The following KLRG2 variants were observed in gnomAD, a reference collection of about 807,000 sequenced individuals.
KLRG2 encodes killer cell lectin-like receptor subfamily G member 2.
A neutral mutation model predicts 35.4 loss-of-function variants in KLRG2; 39 were observed. The observed-to-expected ratio is 1.10, with a 90% CI of 0.85 to 1.44. KLRG2 has a LOEUF of 1.44. Among genes scored for constraint, KLRG2 ranks in the 40% most tolerant of loss-of-function variants. The probability of loss-of-function intolerance (pLI) is 0.00; values close to 1 mark genes in which losing one functional copy is unlikely to be tolerated. For missense variants in KLRG2, 632 were observed against 570.9 expected, an observed-to-expected ratio of 1.11 and a Z score of -1.09; for synonymous variants, 283 against 265.8, an observed-to-expected ratio of 1.06 and a Z score of -0.63.
chr7:139,481,073 C>G (rs1156643471), intron 1 of KLRG2, among the ~76,000 whole-genome samples: 1 of 152,102 alleles, frequency 6.6e-6, no homozygotes, highest in African/African-American at 2.4e-5. Flanking sequence ...AAGAGGAAGA[C>G]AGGTGGTGAG....
intron 1 of KLRG2, among the ~76,000 whole-genome samples, chr7:139,480,745 C>CTT (rs34710698): frequency 2.7e-5 from 3 of 112,954 alleles, no homozygotes; most frequent in African/African-American, 3.4e-5. Context: ...GCGTCTGGCC[C>CTT]TTTTTTTTTT....
chr7:139,473,763 C>T (rs973667316), intron 3 of KLRG2, among the ~76,000 whole-genome samples: 6 of 152,088 alleles, frequency 3.9e-5, no homozygotes, highest in Non-Finnish European at 8.8e-5. Flanking sequence ...CACCCGAGGT[C>T]AGGAGTTCAA....
chr7:139,470,433 C>T lies in KLRG2; in HGVS notation c.1005+9194G>A, dbSNP rs192253867. The stretch of plus-strand genomic sequence containing the variant: ...CATGGTCTGGCCTTATGTGGAAATA[C>T]AACAAATGCAAAGCCAGTCTTCTTT... On this transcript the variant is annotated intron_variant, in intron 3 of 4. Coordinates refer to ENST00000340940, the MANE Select transcript of KLRG2 (RefSeq NM_198508.4). Among the ~76,000 whole-genome samples the T allele has an allele frequency of 2.6e-3, 398 of 152,216 alleles. 1 individual carries two copies. Among genetic ancestry groups the T allele is most frequent in the Non-Finnish European group, 4.6e-3 (313 of 68,026 alleles).
chr7:139,433,755 C>T, the KLRG2 span, among the ~76,000 whole-genome samples: 1 of 151,712 alleles, frequency 6.6e-6, no homozygotes, highest in African/African-American at 2.4e-5. Flanking sequence ...TCTGCCTCAG[C>T]CTCCTGAATA....
At chr7:139,441,958 A>G in the KLRG2 span, among the ~76,000 whole-genome samples, 3 of 152,274 alleles carry the variant, frequency 2.0e-5, no homozygotes, top group East Asian at 5.8e-4. Context: ...AGAAATCCAC[A>G]CCTTGGCACT....
Position 139,483,274 on chromosome 7 carries a change from C to T in KLRG2, c.369G>A (p.Glu123=). 1 of 1,561,142 alleles carries T rather than the reference C, an allele frequency of 6.4e-7. No homozygotes were observed. The highest frequency in any genetic ancestry group is 8.6e-7 in the Non-Finnish European group (1 of 1,164,978). The change falls in exon 1 of 5, where the codon GAG becomes GAA. Residue 123 remains glutamate (E), a synonymous_variant. Transcript: ENST00000340940. ...EPAPSAWAPM[E]LQVDVRVKPV... Reference sequence around the variant, plus strand: ...GCTTCACGCGCACATCTACCTGCAGCTCCATGGGCGCCCAGGCGCTGGGCG... The same window carrying T: ...GCTTCACGCGCACATCTACCTGCAGTTCCATGGGCGCCCAGGCGCTGGGCG...
rs181652383 is a variant in KLRG2, at chr7:139,468,587, G to T, written c.1005+11040C>A. Among the ~76,000 whole-genome samples the T allele has an allele frequency of 4.6e-3, 694 of 152,250 alleles. 6 individuals are homozygous for T. The highest frequency in any genetic ancestry group is 0.016 in the African/African-American group (678 of 41,560). On this transcript the variant is annotated intron_variant, in intron 3 of 4. Coordinates refer to ENST00000340940, the MANE Select transcript of KLRG2 (RefSeq NM_198508.4). ...TCAGACTCAGCCCGCCTGCACCCAG[G>T]TGAAATAAACAGCCTTGTTGCTCAC...
At chr7:139,471,847 G>A (rs924041028) in intron 3 of KLRG2, among the ~76,000 whole-genome samples, 91 of 152,184 alleles carry the variant, frequency 6.0e-4, no homozygotes, top group African/African-American at 2.2e-3. Context: ...GTCCCCAGGC[G>A]AGGTGGCACG....
the KLRG2 span, among the ~76,000 whole-genome samples, chr7:139,440,259 GCCA>G: frequency 1.3e-5 from 2 of 150,852 alleles, no homozygotes; most frequent in Non-Finnish European, 2.9e-5. Context: ...ATAGGTGTGT[GCCA>G]CCACACCTGG....
Position 139,483,583 on chromosome 7 carries a change from C to T in KLRG2, c.60G>A (p.Glu20=), listed in dbSNP as rs747199136. 6.3e-6 allele frequency: 10 copies of T among 1,596,352 alleles called. No individual in the cohort carries two copies. The highest frequency in any genetic ancestry group is 8.5e-6 in the Non-Finnish European group (10 of 1,178,244). Residue 20 remains glutamate, a synonymous_variant, in exon 1 of 5, where the codon GAG becomes GAA. Coordinates refer to ENST00000340940, the MANE Select transcript of KLRG2 (RefSeq NM_198508.4). ...GGQAGAELPM[E]PVGSLVPTLE... is the part of the protein sequence containing the mutation. ...GCGTGGGGACCAGGCTTCCCACGGG[C>T]TCCATTGGGAGCTCTGCCCCGGCTT... is the stretch of plus-strand genomic sequence containing the variant.
chr7:139,477,835 T>G, intron 3 of KLRG2, among the ~76,000 whole-genome samples: 1 of 151,986 alleles, frequency 6.6e-6, no homozygotes, highest in Non-Finnish European at 1.5e-5. Flanking sequence ...CTCGGCTCAC[T>G]GCAAGCTCCG....
the KLRG2 span, among the ~76,000 whole-genome samples, chr7:139,441,870 A>G: frequency 6.6e-6 from 1 of 152,228 alleles, no homozygotes; most frequent in African/African-American, 2.4e-5. Context: ...ACACAGCAGA[A>G]GACTTCCTGT....
chr7:139,466,761 A>AATAAAAAAAG (rs1554404154), intron 3 of KLRG2, among the ~76,000 whole-genome samples: 6 of 149,412 alleles, frequency 4.0e-5, no homozygotes, highest in African/African-American at 9.9e-5. Context: ...AAATAAAAAA[A>AATAAAAAAAG]GGGGGGGGTA....
chr7:139,439,286 C>A, the KLRG2 span, among the ~76,000 whole-genome samples: 2 of 152,202 alleles, frequency 1.3e-5, no homozygotes, highest in Non-Finnish European at 2.9e-5. Context: ...TGTGACTCCG[C>A]TTCTACGAAC....
At chr7:139,472,266 C>A (rs1796769765) in intron 3 of KLRG2, among the ~76,000 whole-genome samples, 2 of 151,726 alleles carry the variant, frequency 1.3e-5, no homozygotes, top group South Asian at 2.1e-4. Flanking sequence ...CAGACTTGAC[C>A]ACATGAAGCC....
chr7:139,442,553 A>C, the KLRG2 span, among the ~76,000 whole-genome samples: 59,464 of 151,896 alleles, frequency 0.39, 16,486 homozygotes, highest in African/African-American at 0.79. Context: ...GTCTATAAAA[A>C]ATACAAAACT....
chr7:139,453,515 A>G lies in KLRG2; in HGVS notation c.*72T>C. 6.6e-7 allele frequency: 1 copy of G among 1,507,246 alleles called. No individual in the cohort carries two copies. The highest frequency in any genetic ancestry group is 1.4e-5 in the African/African-American group (1 of 72,126). 93.4% of individuals were successfully genotyped at this position (1,507,246 alleles called of 1,614,324 possible). A position where few individuals can be genotyped will look rare whatever the true frequency, so the allele number is the denominator to read the frequency against. ...ACTGGGTCCAGGAAGAGGCTGCCCA[A>G]GCTCTCAACTGGCCTCCCCTGTAGG... On this transcript the variant is annotated 3_prime_UTR_variant, in exon 5 of 5. Coordinates refer to ENST00000340940, the MANE Select transcript of KLRG2 (RefSeq NM_198508.4).
the KLRG2 span, among the ~76,000 whole-genome samples, chr7:139,430,402 CAA>C: frequency 2.8e-4 from 40 of 144,630 alleles, 1 homozygote; most frequent in African/African-American, 7.9e-4. Context: ...AACTCCATCT[CAA>C]AAAAAAAAAA....
At chr7:139,432,875 A>T in the KLRG2 span, among the ~76,000 whole-genome samples, 1 of 152,010 alleles carries the variant, frequency 6.6e-6, no homozygotes, top group Non-Finnish European at 1.5e-5. Flanking sequence ...AGGTTGGTTG[A>T]ATTCACCGAC....
Sources: allele counts gnomAD v4.1 joint callset (sites outside exome capture counted in the v4.1 genomes callset), GRCh38; gene constraint gnomAD v4.1.1; transcripts MANE v1.5; gene names NCBI Gene and HGNC (gene_info 2026-07-23, HGNC 2026-07-21).